PDGFRB: variants seen among roughly 807,000 people sequenced by gnomAD.
PDGFRB encodes the protein platelet-derived growth factor receptor beta.
In PDGFRB, 42 loss-of-function variants were observed where a neutral mutation model predicts 120.2. The observed-to-expected ratio is 0.35, with a 90% CI of 0.27 to 0.45. The LOEUF is 0.45. Among genes scored for constraint, PDGFRB ranks in the 20% least tolerant of loss-of-function variants. PDGFRB has a pLI of 1.00. For synonymous variants in PDGFRB, 586 were observed against 606.8 expected, an observed-to-expected ratio of 0.97 and a Z score of 0.50; for missense variants, 1,149 against 1,476.3, an observed-to-expected ratio of 0.78 and a Z score of 3.63.
At chr5:150,131,633 A>T (rs1195762093) in intron 8 of PDGFRB, among the ~76,000 whole-genome samples, 1 of 152,140 alleles carries the variant, frequency 6.6e-6, no homozygotes, top group Non-Finnish European at 1.5e-5. Context: ...AGGGAAGTTC[A>T]AGAACCTTGA....
chr5:150,145,294 T>C lies in PDGFRB; in HGVS notation c.-6-8241A>G, dbSNP rs1562025337. On this transcript the variant is annotated intron_variant, in intron 1 of 22. Coordinates refer to ENST00000261799, the MANE Select transcript of PDGFRB (RefSeq NM_002609.4). The stretch of plus-strand genomic sequence containing the variant: ...ACATAACAGACAAAATATGTGTTAA[T>C]TGACTTTACATTATCAGTAAGGCCC... Among the ~76,000 whole-genome samples the C allele has an allele frequency of 2.6e-5, 4 of 152,270 alleles. No individual in the cohort carries two copies. The South Asian group carries it at 6.2e-4, about 24-fold the overall frequency.
intron 1 of PDGFRB, among the ~76,000 whole-genome samples, chr5:150,145,415 A>G (rs1760893490): frequency 6.6e-6 from 1 of 152,200 alleles, no homozygotes; most frequent in East Asian, 1.9e-4. Context: ...CAGCCCCCTC[A>G]TTGTTCAAGG....
At chr5:150,151,042 G>T (rs1051674155) in intron 1 of PDGFRB, among the ~76,000 whole-genome samples, 1 of 152,184 alleles carries the variant, frequency 6.6e-6, no homozygotes, top group Admixed American at 6.5e-5. Context: ...CTAATTGTCA[G>T]AAAGTTCCTC....
intron 19 of PDGFRB, 148 bp from the exon 20 acceptor site, chr5:150,119,714 T>C: frequency 1.6e-6 from 1 of 634,724 alleles, no homozygotes; most frequent in South Asian, 1.8e-5. Context: ...GGCTCCTTCA[T>C]GGGCTCTGAA....
chr5:150,129,680 A>G, intron 10 of PDGFRB, 77 bp downstream of exon 10: 1 of 1,223,644 alleles, frequency 8.2e-7, no homozygotes. Context: ...TGCTGTGGGT[A>G]CATGGGCACA....
chr5:150,140,035 C>T (rs188519887), intron 1 of PDGFRB, among the ~76,000 whole-genome samples: 199 of 152,024 alleles, frequency 1.3e-3, no homozygotes, highest in African/African-American at 4.5e-3. Flanking sequence ...GGGGACTTTC[C>T]GCTGGTGACG....
At chr5:150,126,661 C>A in intron 10 of PDGFRB, 47 bp from the exon 11 acceptor site, 1 of 942,596 alleles carries the variant, frequency 1.1e-6, no homozygotes, top group East Asian at 2.4e-5. Flanking sequence ...GGGCAGCTAC[C>A]CTCCCCTCAC....
At chr5:150,151,264 A>G (rs1196945359) in intron 1 of PDGFRB, among the ~76,000 whole-genome samples, 2 of 152,172 alleles carry the variant, frequency 1.3e-5, no homozygotes, top group East Asian at 3.9e-4. Flanking sequence ...AAGATTTACC[A>G]TCATCTGGGT....
intron 1 of PDGFRB, among the ~76,000 whole-genome samples, chr5:150,139,035 G>T (rs1169426137): frequency 6.6e-6 from 1 of 152,142 alleles, no homozygotes; most frequent in African/African-American, 2.4e-5. Flanking sequence ...ATGGCATGCA[G>T]CCCCCGACCC....
At chr5:150,138,791 C>T (rs1469048549) in intron 1 of PDGFRB, among the ~76,000 whole-genome samples, 4 of 152,250 alleles carry the variant, frequency 2.6e-5, no homozygotes, top group Non-Finnish European at 4.4e-5. Flanking sequence ...CCGTCGGTGC[C>T]CCTCTGGCTG....
At chr5:150,134,422 T>G (rs996529796) in intron 4 of PDGFRB, among the ~76,000 whole-genome samples, 1 of 152,162 alleles carries the variant, frequency 6.6e-6, no homozygotes, top group African/African-American at 2.4e-5. Context: ...CTCAGAGAGA[T>G]TATGTGCTTT....
intron 22 of PDGFRB, among the ~76,000 whole-genome samples, chr5:150,116,916 T>G (rs1325254273): frequency 6.6e-6 from 1 of 151,928 alleles, no homozygotes; most frequent in East Asian, 1.9e-4. Context: ...AGTGGCAGAG[T>G]TGGGACAGTA....
At chr5:150,152,985 C>A (rs1222852667) in intron 1 of PDGFRB, among the ~76,000 whole-genome samples, 2 of 152,212 alleles carry the variant, frequency 1.3e-5, no homozygotes, top group Non-Finnish European at 2.9e-5. Context: ...CAGAAACTGA[C>A]TCGGGGTCAA....
rs143549730 is a variant in PDGFRB, at chr5:150,137,434, C to T, written c.-6-381G>A. ...CAGCCTGTCCTCCGGGTGACAGTTCCAATACCAGGCTCTTATCTGCCAGGA... is the reference window on the plus strand; with the variant it reads ...CAGCCTGTCCTCCGGGTGACAGTTCTAATACCAGGCTCTTATCTGCCAGGA... On this transcript the variant is annotated intron_variant, in intron 1 of 22. Coordinates refer to ENST00000261799, the MANE Select transcript of PDGFRB (RefSeq NM_002609.4). 3.2e-4 allele frequency: 59 copies of T among 182,804 alleles called. No homozygotes were observed. The East Asian group carries it at 8.5e-3, about 26-fold the overall frequency. 11.3% of individuals were successfully genotyped at this position (182,804 alleles called of 1,614,324 possible).
intron 8 of PDGFRB, among the ~76,000 whole-genome samples, chr5:150,131,432 G>A (rs529925787): frequency 4.6e-5 from 7 of 152,220 alleles, no homozygotes; most frequent in African/African-American, 1.7e-4. Flanking sequence ...CCTCAGCCCT[G>A]ATCACTGTAT....
intron 10 of PDGFRB, among the ~76,000 whole-genome samples, chr5:150,129,543 G>T (rs1160254728): frequency 6.6e-6 from 1 of 152,206 alleles, no homozygotes; most frequent in African/African-American, 2.4e-5. Context: ...CATATCCATG[G>T]CTTACAGACT....
intron 10 of PDGFRB, 52 bp downstream of exon 10, chr5:150,129,705 G>T: frequency 6.8e-7 from 1 of 1,465,988 alleles, no homozygotes; most frequent in Non-Finnish European, 9.4e-7. Flanking sequence ...CAATTAGGCA[G>T]GATTAAGGTA....
rs1397804191 is a variant in PDGFRB, at chr5:150,115,184, G to A, written c.*579C>T. On this transcript the variant is annotated 3_prime_UTR_variant, in exon 23 of 23. Coordinates refer to ENST00000261799, the MANE Select transcript of PDGFRB (RefSeq NM_002609.4). ...ATGGCCCCAGACCAGCTCGGGCCAG[G>A]GAACGCAGGGACTGGCATCATAGGG... 3 of 233,126 alleles carry A rather than the reference G, an allele frequency of 1.3e-5. No homozygotes were observed. The highest frequency in any genetic ancestry group is 2.5e-5 in the Non-Finnish European group (3 of 117,998). The allele number at this position is 233,126 out of a possible 1,614,324, so 14.4% of individuals were successfully genotyped here.
chr5:150,151,137 A>G (rs1377250293), intron 1 of PDGFRB, among the ~76,000 whole-genome samples: 7 of 152,198 alleles, frequency 4.6e-5, no homozygotes, highest in Non-Finnish European at 7.3e-5. Context: ...GTAAGAAAAA[A>G]ACCCTTTCAT....
Sources: allele counts gnomAD v4.1 joint callset (sites outside exome capture counted in the v4.1 genomes callset), GRCh38; gene constraint gnomAD v4.1.1; transcripts MANE v1.5; gene names NCBI Gene and HGNC (gene_info 2026-07-23, HGNC 2026-07-21).